Variants in COPS9 observed in about 807,000 individuals in gnomAD.
COPS9 encodes COP9 signalosome complex subunit 9.
In COPS9, 8 loss-of-function variants were observed where a neutral mutation model predicts 7.2. That is an observed-to-expected ratio of 1.11 (90% CI 0.65 to 2.00). The LOEUF (loss-of-function observed/expected upper bound fraction) is 2.00. COPS9 is among the 30% of genes most tolerant of loss of function. The pLI is 0.00. For synonymous variants in COPS9, 39 were observed against 28.7 expected (o/e 1.36, Z -1.14); for missense variants, 74 against 77.7 (o/e 0.95, Z 0.18).
At chr2:240,136,021 C>T in intron 1 of COPS9, 2 of 870,186 alleles carry the variant, frequency 2.3e-6, no homozygotes, top group Non-Finnish European at 3.2e-6. Flanking sequence ...GCACACGCTT[C>T]CCGCCGCGGT....
At chr2:240,134,180 G>A (rs2071950922) in intron 1 of COPS9, 175 bp from the exon 2 acceptor site, 3 of 591,018 alleles carry the variant, frequency 5.1e-6, no homozygotes, top group East Asian at 2.8e-5. Context: ...GGGAGGGGGA[G>A]GAATTCAAAG....
chr2:240,126,845 T>G (rs1351614392), downstream of COPS9: 1 of 1,614,098 alleles, frequency 6.2e-7, no homozygotes, highest in Non-Finnish European at 8.5e-7. Context: ...GTTCTCTGCA[T>G]CTGGTAAACA....
chr2:240,134,775 C>A (rs1349707308), intron 1 of COPS9, among the ~76,000 whole-genome samples: 3 of 152,190 alleles, frequency 2.0e-5, no homozygotes, highest in Admixed American at 2.0e-4. Context: ...CTCAGCCACC[C>A]TCCCTGTCCC....
rs542481728 is a variant in COPS9 at position 240,132,156 on chromosome 2, T to C, written c.137-1068A>G. 4.3e-4 allele frequency among the ~76,000 whole-genome samples: 66 copies of C among 152,274 alleles called. No homozygotes were observed. Among genetic ancestry groups the C allele is most frequent in the African/African-American group, 1.5e-3 (63 of 41,558 alleles). Reference sequence around the variant, plus strand: ...TGCAGTGCTCCCAGAAACAATGCCGTCCACGCTTTGCCAGGGCTCTTGTCA... The same window carrying C: ...TGCAGTGCTCCCAGAAACAATGCCGCCCACGCTTTGCCAGGGCTCTTGTCA... On this transcript the variant is annotated intron_variant, in intron 2 of 2. Coordinates refer to ENST00000607357, the MANE Select transcript of COPS9 (RefSeq NM_001163424.2). This position sits in a 1 kb window ranked among gnomAD's most constrained non-coding sequence, Gnocchi z 4.1.
intron 2 of COPS9, 128 bp from the exon 3 acceptor site, chr2:240,131,216 CT>C (rs1219966076): frequency 8.8e-7 from 1 of 1,134,862 alleles, no homozygotes; most frequent in Non-Finnish European, 1.3e-6. Context: ...AAATAAAAGA[CT>C]TTTCCCGTAA....
At chr2:240,136,163 C>A in intron 1 of COPS9, 59 bp downstream of exon 1, 1 of 1,429,118 alleles carries the variant, frequency 7.0e-7, no homozygotes, top group Non-Finnish European at 9.1e-7. Context: ...AGGACGCCGC[C>A]CTTCCGCTCC....
At chr2:240,131,699 A>T (rs1386781368) in intron 2 of COPS9, among the ~76,000 whole-genome samples, 1 of 152,210 alleles carries the variant, frequency 6.6e-6, no homozygotes. Context: ...GCCCCCCAGG[A>T]AAGATTTTGT....
chr2:240,136,280 T>C lies in COPS9; in HGVS notation c.5A>G (p.Lys2Arg). 6.4e-7 allele frequency: 1 copy of C among 1,568,316 alleles called. No homozygotes were observed. The highest frequency in any genetic ancestry group is 8.6e-7 in the Non-Finnish European group (1 of 1,161,226). M[K>R]PAVDEMFPEG... ...GGGGAACATCTCGTCCACCGCCGGC[T>C]TCATCTCGGGGCCGCGGCGCTCTAG... The change falls in exon 1 of 3, where the codon AAG becomes AGG. Residue 2 changes from lysine to arginine, a missense_variant. By Grantham distance (26) the Lys-to-Arg change is conservative. Coordinates refer to ENST00000607357, the MANE Select transcript of COPS9 (RefSeq NM_001163424.2).
chr2:240,130,925 G>T lies in COPS9; in HGVS notation c.*126C>A. On this transcript the variant is annotated 3_prime_UTR_variant, in exon 3 of 3. Coordinates refer to ENST00000607357, the MANE Select transcript of COPS9 (RefSeq NM_001163424.2). ...TCGTTAAGAACAGTCTTATCTTTCT[G>T]GTTAACCAGGTCCTAAATTCAAGGG... 2 of 1,487,606 alleles carry T rather than the reference G, an allele frequency of 1.3e-6. No individual in the cohort carries two copies. The highest frequency in any genetic ancestry group is 1.8e-6 in the Non-Finnish European group (2 of 1,118,634). 92.2% of individuals were successfully genotyped at this position (1,487,606 alleles called of 1,614,324 possible).
At chr2:240,134,145 T>A in intron 1 of COPS9, 140 bp from the exon 2 acceptor site, 1 of 715,782 alleles carries the variant, frequency 1.4e-6, no homozygotes, top group Non-Finnish European at 2.4e-6. Context: ...ACATTTTAGT[T>A]CCAGACACAG....
chr2:240,134,163 T>C (rs1196779587), intron 1 of COPS9, 158 bp from the exon 2 acceptor site: 2 of 634,880 alleles, frequency 3.2e-6, no homozygotes, highest in Non-Finnish European at 5.5e-6. Flanking sequence ...CAGGAATGTG[T>C]ATTGGGGGGA....
chr2:240,127,156 C>T (rs1352788032), downstream of COPS9, among the ~76,000 whole-genome samples: 4 of 152,188 alleles, frequency 2.6e-5, no homozygotes, highest in Non-Finnish European at 5.9e-5. Flanking sequence ...GGCGAATACC[C>T]AGGCAGCGCT....
chr2:240,128,667 G>A (rs374140773), downstream of COPS9, among the ~76,000 whole-genome samples: 3 of 152,138 alleles, frequency 2.0e-5, no homozygotes, highest in African/African-American at 4.8e-5. Flanking sequence ...CAGTGTAGGT[G>A]AAGACACATC....
chr2:240,133,717 A>T (rs2071944604), intron 2 of COPS9, among the ~76,000 whole-genome samples: 1 of 152,226 alleles, frequency 6.6e-6, no homozygotes, highest in Non-Finnish European at 1.5e-5. Context: ...AGCTGGGAAC[A>T]ATTTCATGCT....
At chr2:240,131,117 A>ACACC in intron 2 of COPS9, 29 bp from the exon 3 acceptor site, 1 of 1,609,340 alleles carries the variant, frequency 6.2e-7, no homozygotes, top group South Asian at 1.1e-5. Context: ...CCACGTAGTT[A>ACACC]CACCTACAAG....
chr2:240,135,662 G>A (rs1574949612), intron 1 of COPS9, among the ~76,000 whole-genome samples: 2 of 152,140 alleles, frequency 1.3e-5, no homozygotes, highest in East Asian at 1.9e-4. Context: ...AAAGAAGAAC[G>A]AGGCCACTAC....
chr2:240,130,897 A>G lies in COPS9; in HGVS notation c.*154T>C, dbSNP rs2071915100. ...CGTTCAGAGATGAACAGAATCATCT[A>G]GGTCGTTAAGAACAGTCTTATCTTT... On this transcript the variant is annotated 3_prime_UTR_variant, in exon 3 of 3. Transcript: ENST00000607357. 1.4e-5 allele frequency: 21 copies of G among 1,450,148 alleles called. No individual in the cohort carries two copies. Among genetic ancestry groups the G allele is most frequent in the Non-Finnish European group, 1.9e-5 (21 of 1,102,122 alleles). The allele number at this position is 1,450,148 out of a possible 1,614,324, so 89.8% of individuals were successfully genotyped here.
chr2:240,131,477 C>A (rs555146935), intron 2 of COPS9, among the ~76,000 whole-genome samples: 12 of 152,322 alleles, frequency 7.9e-5, no homozygotes, highest in African/African-American at 2.9e-4. Context: ...AGAGATGAAG[C>A]TGGGAGGCAC....
At chr2:240,129,329 A>AT (rs1043968353), downstream of COPS9, among the ~76,000 whole-genome samples, 38 of 151,964 alleles carry the variant, frequency 2.5e-4, no homozygotes, top group African/African-American at 8.9e-4. Flanking sequence ...TGCTCAGCTC[A>AT]TTTTTTTAAT....
Sources: allele counts gnomAD v4.1 joint callset (sites outside exome capture counted in the v4.1 genomes callset), GRCh38; gene constraint gnomAD v4.1.1; non-coding constraint Gnocchi (gnomAD v3.1); transcripts MANE v1.5; gene names NCBI Gene and HGNC (gene_info 2026-07-23, HGNC 2026-07-21).